FRS2: variants seen among roughly 807,000 people sequenced by gnomAD.
FRS2 encodes fibroblast growth factor receptor substrate 2.
Under a neutral mutation model 43.9 loss-of-function variants are expected in FRS2, and 8 were observed. That is an observed-to-expected ratio of 0.18 (90% CI 0.11 to 0.33). The LOEUF (loss-of-function observed/expected upper bound fraction) is 0.33. Ranked by LOEUF, FRS2 falls within the 10% of genes least tolerant of loss-of-function variation. The probability of loss-of-function intolerance (pLI) is 1.00; values close to 1 mark genes in which losing one functional copy is unlikely to be tolerated. For missense variants in FRS2, 534 were observed against 627.6 expected (o/e 0.85, Z 1.59); for synonymous variants, 219 against 220.3 (o/e 0.99, Z 0.05).
chr12:69,490,206 C>A (rs1466614890), intron 1 of FRS2, among the ~76,000 whole-genome samples: 6 of 151,978 alleles, frequency 3.9e-5, no homozygotes. Flanking sequence ...GAAGAGGGGA[C>A]CTGAGTAGTA....
chr12:69,569,270 A>AT (rs944555482), intron 5 of FRS2, among the ~76,000 whole-genome samples, 174 bp downstream of exon 5: 9 of 151,958 alleles, frequency 5.9e-5, no homozygotes, highest in Admixed American at 3.3e-4. Context: ...ACAGTATGGA[A>AT]TTTTTTTTAG....
At chr12:69,572,949 G>A (rs1307876320) in intron 8 of FRS2, among the ~76,000 whole-genome samples, 3 of 152,166 alleles carry the variant, frequency 2.0e-5, no homozygotes, top group African/African-American at 7.2e-5. Flanking sequence ...TCCTGCCTCA[G>A]CCTCCCAGGT....
At chr12:69,509,536 C>T (rs1874268095) in intron 1 of FRS2, among the ~76,000 whole-genome samples, 1 of 152,176 alleles carries the variant, frequency 6.6e-6, no homozygotes, top group Non-Finnish European at 1.5e-5. Context: ...CACTATTCAT[C>T]TCCAGAACTT....
chr12:69,507,068 C>T (rs1204930864), intron 1 of FRS2, among the ~76,000 whole-genome samples: 3 of 152,166 alleles, frequency 2.0e-5, no homozygotes, highest in African/African-American at 4.8e-5. Context: ...TGCGGTCCCT[C>T]GACCTTGGGC....
At chr12:69,491,839 G>C (rs894587076) in intron 1 of FRS2, among the ~76,000 whole-genome samples, 9 of 152,104 alleles carry the variant, frequency 5.9e-5, no homozygotes, top group Non-Finnish European at 2.9e-5. Flanking sequence ...AATGAATATT[G>C]TATACATATT....
intron 3 of FRS2, among the ~76,000 whole-genome samples, chr12:69,538,310 A>G (rs1157650078): frequency 6.7e-6 from 1 of 149,154 alleles, no homozygotes; most frequent in Non-Finnish European, 1.5e-5. Context: ...CTAACCTACC[A>G]TGTTGCTAGA....
At chr12:69,473,269 A>G (rs1432697789) in intron 1 of FRS2, among the ~76,000 whole-genome samples, 3 of 152,232 alleles carry the variant, frequency 2.0e-5, no homozygotes, top group Non-Finnish European at 2.9e-5. Flanking sequence ...AACAGCCCCA[A>G]TTTGAATCCA....
intron 3 of FRS2, among the ~76,000 whole-genome samples, chr12:69,551,746 A>G (rs890993351): frequency 6.6e-6 from 1 of 152,002 alleles, no homozygotes; most frequent in Admixed American, 6.5e-5. Context: ...TCAGTCGTGG[A>G]TGCTCTGGAA....
At chr12:69,525,889 C>T (rs575108236) in intron 1 of FRS2, among the ~76,000 whole-genome samples, 2 of 152,140 alleles carry the variant, frequency 1.3e-5, no homozygotes, top group Admixed American at 1.3e-4. Context: ...GAGTTTTGCT[C>T]TTGTTGCCCA....
At chr12:69,557,630 G>GCA (rs1458283183) in intron 3 of FRS2, among the ~76,000 whole-genome samples, 2 of 147,166 alleles carry the variant, frequency 1.4e-5, no homozygotes, top group African/African-American at 5.2e-5. Flanking sequence ...GCGCGCGCGC[G>GCA]CGCGCGCAGG....
At chr12:69,484,951 A>T (rs1219864484) in intron 1 of FRS2, among the ~76,000 whole-genome samples, 1 of 152,116 alleles carries the variant, frequency 6.6e-6, no homozygotes, top group Non-Finnish European at 1.5e-5. Context: ...TAACAACAGA[A>T]GACATCAAAA....
intron 1 of FRS2, among the ~76,000 whole-genome samples, chr12:69,492,901 T>G (rs1872594695): frequency 6.6e-6 from 1 of 152,206 alleles, no homozygotes; most frequent in Admixed American, 6.5e-5. Context: ...TTTATGAGCA[T>G]CAACAAACAC....
intron 1 of FRS2, among the ~76,000 whole-genome samples, chr12:69,504,453 A>G (rs1484805063): frequency 6.6e-6 from 1 of 152,192 alleles, no homozygotes; most frequent in Non-Finnish European, 1.5e-5. Context: ...CAAATAAAAC[A>G]AAGTACAGAT....
chr12:69,572,423 A>G, intron 8 of FRS2, 142 bp downstream of exon 8: 2 of 661,690 alleles, frequency 3.0e-6, no homozygotes, highest in Non-Finnish European at 5.1e-6. Flanking sequence ...ATCAGAGGAG[A>G]TAGCATATAT....
Position 69,564,388 on chromosome 12 carries a change from A to G in FRS2, c.-27+2114A>G, listed in dbSNP as rs142694328. Among the ~76,000 whole-genome samples the G allele has an allele frequency of 5.6e-4, 85 of 152,130 alleles. 1 individual carries two copies. The highest frequency in any genetic ancestry group is 3.4e-3 in the Middle Eastern group (1 of 294). The stretch of plus-strand genomic sequence containing the variant: ...GAGCTTAAAATGTGACATGTGTTCT[A>G]ATGTTTTACCTTCTCCCTCAAACAC... On this transcript the variant is annotated intron_variant, in intron 4 of 8. Transcript: ENST00000549921.
intron 1 of FRS2, chr12:69,486,368 G>A (rs934543668): frequency 6.6e-6 from 1 of 152,210 alleles, no homozygotes; most frequent in South Asian, 2.1e-4. Flanking sequence ...TGTTACTATT[G>A]TAATTGTTTT....
At chr12:69,517,011 A>C (rs1027322925) in intron 1 of FRS2, among the ~76,000 whole-genome samples, 11 of 152,226 alleles carry the variant, frequency 7.2e-5, no homozygotes, top group South Asian at 2.1e-4. Flanking sequence ...ACATGATGCT[A>C]CAGTGAAAAT....
At chr12:69,506,389 G>A (rs376536295) in intron 1 of FRS2, among the ~76,000 whole-genome samples, 28 of 152,174 alleles carry the variant, frequency 1.8e-4, no homozygotes, top group East Asian at 7.7e-4. Context: ...ATTACTTTTA[G>A]TAGTCTCTTG....
intron 3 of FRS2, among the ~76,000 whole-genome samples, chr12:69,556,367 C>T (rs1251484227): frequency 6.6e-6 from 1 of 151,080 alleles, no homozygotes; most frequent in Non-Finnish European, 1.5e-5. Flanking sequence ...AAGTCTCACT[C>T]TGTTACCAAG....
Sources: gnomAD v4.1 joint callset for allele counts (sites outside exome capture counted in the v4.1 genomes callset) on GRCh38, gnomAD v4.1.1 for gene constraint, MANE v1.5 for transcripts, NCBI Gene and HGNC (gene_info 2026-07-23, HGNC 2026-07-21) for gene names.